MFSD8: variants seen among roughly 807,000 people sequenced by gnomAD.
MFSD8 encodes major facilitator superfamily domain containing 8.
Under a neutral mutation model 66.4 loss-of-function variants are expected in MFSD8, and 55 were observed. The observed-to-expected ratio is 0.83, with a 90% CI of 0.67 to 1.04. The LOEUF (loss-of-function observed/expected upper bound fraction) is 1.04, where lower values mean the gene tolerates loss of function less well. MFSD8 is among the 50% of genes least tolerant of loss of function. The pLI, the probability that MFSD8 is intolerant of heterozygous loss-of-function variation, is 0.00. For missense variants in MFSD8, 550 were observed against 627.6 expected (o/e 0.88, Z 1.32); for synonymous variants, 202 against 212.8 (o/e 0.95, Z 0.44).
chr4:127,942,175 A>C lies in MFSD8; in HGVS notation c.440-17T>G. On this transcript the variant is annotated splice_polypyrimidine_tract_variant and intron_variant, in intron 4 of 11. Coordinates refer to ENST00000641686, the MANE Select transcript of MFSD8 (RefSeq NM_001371596.2). ...CTACATTTCCTTAAAAACAAGACAC[A>C]ATAATCCAAAGTAAAAGAAAGTATC... The C allele has an allele frequency of 6.4e-7, 1 of 1,559,128 alleles. No homozygotes were observed. Among genetic ancestry groups the C allele is most frequent in the Non-Finnish European group, 8.8e-7 (1 of 1,130,544 alleles).
chr4:127,950,785 C>G (rs1370300184), intron 2 of MFSD8, among the ~76,000 whole-genome samples: 1 of 151,918 alleles, frequency 6.6e-6, no homozygotes, highest in Non-Finnish European at 1.5e-5. Flanking sequence ...AGGCTGGGCA[C>G]AGTGTCTCAC....
chr4:127,943,663 T>G, intron 4 of MFSD8, 89 bp downstream of exon 4: 1 of 1,490,176 alleles, frequency 6.7e-7, no homozygotes, highest in Non-Finnish European at 9.3e-7. Context: ...AATATGAGTT[T>G]AAAAGGGGAT....
At position 127,930,827 on chromosome 4, in the gene MFSD8, A is replaced by G. The variant is rs1454868481; in HGVS notation, c.864-10T>C. On this transcript the variant is annotated splice_polypyrimidine_tract_variant and intron_variant, in intron 8 of 11. Coordinates refer to ENST00000641686, the MANE Select transcript of MFSD8 (RefSeq NM_001371596.2). ...TAATGGAGTAATGATGCTAAGAAAA[A>G]AAAAATTATTCTTATTTTATTTAAA... The G allele has an allele frequency of 6.2e-7, 1 of 1,602,022 alleles. No individual in the cohort carries two copies. Among genetic ancestry groups the G allele is most frequent in the South Asian group, 1.1e-5 (1 of 87,390 alleles).
At position 127,933,103 on chromosome 4, in the gene MFSD8, A is replaced by G; in HGVS notation, c.755-10T>C. 1 of 1,604,248 alleles carries G rather than the reference A, an allele frequency of 6.2e-7. No homozygotes were observed. Among genetic ancestry groups the G allele is most frequent in the Non-Finnish European group, 8.5e-7 (1 of 1,171,244 alleles). ...GCTTCATCTGTACTTGCTATAGGGA[A>G]ATAGGAGAAAAATTACATTACCTAT... On this transcript the variant is annotated splice_polypyrimidine_tract_variant and intron_variant, in intron 7 of 11. Transcript: ENST00000641686.
At chr4:127,951,129 A>T (rs1741884417) in intron 2 of MFSD8, among the ~76,000 whole-genome samples, 1 of 152,210 alleles carries the variant, frequency 6.6e-6, no homozygotes, top group Non-Finnish European at 1.5e-5. Flanking sequence ...CCCATATCAT[A>T]CAATTATGCA....
At chr4:127,929,528 C>T (rs1737793025) in intron 9 of MFSD8, among the ~76,000 whole-genome samples, 1 of 151,200 alleles carries the variant, frequency 6.6e-6, no homozygotes, top group Non-Finnish European at 1.5e-5. Flanking sequence ...TCTGAGGCTG[C>T]CATGAGCTAT....
At chr4:127,965,320 G>A, upstream of MFSD8, 1 of 699,822 alleles carries the variant, frequency 1.4e-6, no homozygotes, top group Non-Finnish European at 2.5e-6. Flanking sequence ...CAGGGCGAAA[G>A]GAGGCTGTGT....
intron 1 of MFSD8, among the ~76,000 whole-genome samples, chr4:127,962,266 C>T (rs1743911089): frequency 6.6e-6 from 1 of 151,982 alleles, no homozygotes; most frequent in Admixed American, 6.6e-5. Flanking sequence ...TCAGGAGTTC[C>T]AGATCAGCCT....
rs547726489 is a variant in MFSD8, at chr4:127,920,742, C to G, written c.1445G>C (p.Arg482Pro). Residue 482 changes from arginine to proline, a missense_variant, in exon 12 of 12, where the codon CGA becomes CCA. Arg to Pro is a moderately radical substitution (Grantham distance 103). Coordinates refer to ENST00000641686, the MANE Select transcript of MFSD8 (RefSeq NM_001371596.2). ...TCCACACACCAGGCTGAATGCCCAT[C>G]GTGGTCCCCAGTGAGCATACACTTG... is the stretch of plus-strand genomic sequence containing the variant. ...ISQVYAHWGPRWAFSLVCGII... is the reference protein window; with the variant it reads ...ISQVYAHWGPPWAFSLVCGII... 1.2e-6 allele frequency: 2 copies of G among 1,614,068 alleles called. No homozygotes were observed. The highest frequency in any genetic ancestry group is 1.7e-6 in the Non-Finnish European group (2 of 1,180,016).
At chr4:127,926,994 C>G (rs1043454133) in intron 9 of MFSD8, among the ~76,000 whole-genome samples, 2 of 152,130 alleles carry the variant, frequency 1.3e-5, no homozygotes, top group Non-Finnish European at 2.9e-5. Context: ...AGGTAAACAT[C>G]CAGTACTATA....
In MFSD8 at chr4:127,920,563, T is replaced by G; in HGVS notation, c.*67A>C. 6.6e-7 allele frequency: 1 copy of G among 1,518,556 alleles called. No individual in the cohort carries two copies. The highest frequency in any genetic ancestry group is 9.1e-7 in the Non-Finnish European group (1 of 1,096,402). The allele number at this position is 1,518,556 out of a possible 1,614,324, so 94.1% of individuals were successfully genotyped here. The stretch of plus-strand genomic sequence containing the variant: ...TTCTTGGAGACTGGCTCACCGCAAT[T>G]GTCTAGCAGAGCTTTAGACCAGGAA... On this transcript the variant is annotated 3_prime_UTR_variant, in exon 12 of 12. Transcript: ENST00000641686.
chr4:127,964,788 G>T (rs1744723527), intron 1 of MFSD8: 2 of 563,132 alleles, frequency 3.6e-6, no homozygotes, highest in Non-Finnish European at 3.2e-6. Context: ...CTGCCAGCAC[G>T]CTGTCACCTC....
upstream of MFSD8, chr4:127,965,553 C>T: frequency 3.6e-6 from 1 of 275,226 alleles, no homozygotes; most frequent in Non-Finnish European, 7.2e-6. Flanking sequence ...GCCTGGAGAG[C>T]GGCGGTGCTG....
intron 2 of MFSD8, among the ~76,000 whole-genome samples, chr4:127,951,679 A>C (rs1038105462): frequency 2.0e-5 from 3 of 152,112 alleles, no homozygotes; most frequent in African/African-American, 7.2e-5. Flanking sequence ...ATTTTCATAC[A>C]AATAGAATAA....
At position 127,920,741 on chromosome 4, in the gene MFSD8, T is replaced by C; in HGVS notation, c.1446A>G (p.Arg482=). 5 of 1,614,036 alleles carry C rather than the reference T, an allele frequency of 3.1e-6. No individual in the cohort carries two copies. Among genetic ancestry groups the C allele is most frequent in the Non-Finnish European group, 4.2e-6 (5 of 1,180,010 alleles). The part of the protein sequence containing the change: ...ISQVYAHWGP[R]WAFSLVCGII... ...TTCCACACACCAGGCTGAATGCCCATCGTGGTCCCCAGTGAGCATACACTT... is the reference window on the plus strand; with the variant it reads ...TTCCACACACCAGGCTGAATGCCCACCGTGGTCCCCAGTGAGCATACACTT... The change falls in exon 12 of 12, where the codon CGA becomes CGG. Residue 482 remains arginine, a synonymous_variant. Coordinates refer to ENST00000641686, the MANE Select transcript of MFSD8 (RefSeq NM_001371596.2).
chr4:127,949,830 T>C lies in MFSD8; in HGVS notation c.172A>G (p.Met58Val). Residue 58 changes from methionine to valine, a missense_variant, in exon 3 of 12, where the codon ATG becomes GTG. Transcript: ENST00000641686. ...LSSVGFSVVMMSIWPYLQKID... is the reference protein window; with the variant it reads ...LSSVGFSVVMVSIWPYLQKID... ...TTTTGGAGATATGGCCATATGGACA[T>C]CATCACTACAGAAAACCCTGTGAAG... 6.2e-7 allele frequency: 1 copy of C among 1,611,954 alleles called. No individual in the cohort carries two copies. Among genetic ancestry groups the C allele is most frequent in the Non-Finnish European group, 8.5e-7 (1 of 1,178,876 alleles).
At chr4:127,944,921 G>A (rs888062679) in intron 3 of MFSD8, among the ~76,000 whole-genome samples, 11 of 152,152 alleles carry the variant, frequency 7.2e-5, no homozygotes, top group Non-Finnish European at 1.3e-4. Context: ...CTCCTGCCGC[G>A]GGAGGGAGGA....
chr4:127,963,918 A>G (rs1272011469), intron 1 of MFSD8, among the ~76,000 whole-genome samples: 3 of 152,064 alleles, frequency 2.0e-5, no homozygotes, highest in East Asian at 3.9e-4. Context: ...GCTAGACACA[A>G]AGGTTCTCCA....
Position 127,939,639 on chromosome 4 carries a change from A to C in MFSD8, c.698+214T>G, listed in dbSNP as rs187866025. On this transcript the variant is annotated intron_variant, in intron 6 of 11. Transcript: ENST00000641686. ...AAAAAAAAAAAAAAAAAAACTTTGA[A>C]TCTTCAAAGACCTTCCTTTTCTGTT... 1.6e-3 allele frequency: 461 copies of C among 290,500 alleles called. 2 individuals carry two copies. Among genetic ancestry groups the C allele is most frequent in the South Asian group, 0.012 (149 of 12,706 alleles). 18.0% of individuals were successfully genotyped at this position (290,500 alleles called of 1,614,324 possible). A position where few individuals can be genotyped will look rare whatever the true frequency, so the allele number is the denominator to read the frequency against.
Sources: gnomAD v4.1 joint callset for allele counts (sites outside exome capture counted in the v4.1 genomes callset) on GRCh38, gnomAD v4.1.1 for gene constraint, MANE v1.5 for transcripts, NCBI Gene and HGNC (gene_info 2026-07-23, HGNC 2026-07-21) for gene names.